Variants in CLASP1 observed in about 807,000 individuals in gnomAD.
CLASP1 encodes cytoplasmic linker associated protein 1, also known as CLIP-associating protein 1.
CLASP1 carries 38 observed loss-of-function variants against 192.3 expected under a neutral mutation model. The ratio of observed to expected loss-of-function variants is 0.20; its 90% CI spans 0.15 to 0.26. The LOEUF (loss-of-function observed/expected upper bound fraction) is 0.26. Ranked by LOEUF, CLASP1 falls within the 10% of genes least tolerant of loss-of-function variation. The pLI, the probability that CLASP1 is intolerant of heterozygous loss-of-function variation, is 1.00. For missense variants in CLASP1, 1,433 were observed against 1,932.5 expected, an observed-to-expected ratio of 0.74 and a Z score of 4.85; for synonymous variants, 691 against 712.8, an observed-to-expected ratio of 0.97 and a Z score of 0.49.
At position 121,617,608 on chromosome 2, in the gene CLASP1, T is replaced by C. The variant is rs2066676248; in HGVS notation, c.-285-11428A>G. Among the ~76,000 whole-genome samples, 6 of 152,330 alleles carry C rather than the reference T, an allele frequency of 3.9e-5. No homozygotes were observed. In the South Asian group the frequency reaches 1.2e-3, roughly 32 times the overall value. On this transcript the variant is annotated intron_variant, in intron 1 of 39. Transcript: ENST00000263710. ...GAAGACTTTTCTGTACTTAACAAAC[T>C]ACACCACTCAGCAGCAATCCAAAGT...
intron 1 of CLASP1, among the ~76,000 whole-genome samples, chr2:121,606,428 T>C (rs1163112678): frequency 6.6e-6 from 1 of 152,192 alleles, no homozygotes; most frequent in Non-Finnish European, 1.5e-5. Flanking sequence ...TTTTCCAGAA[T>C]TTCCCAGCTT....
At chr2:121,445,619 T>C in intron 19 of CLASP1, 1 of 453,032 alleles carries the variant, frequency 2.2e-6, no homozygotes, top group Admixed American at 3.1e-5. Flanking sequence ...AATTTTTTGG[T>C]GTTTTTGTTT....
intron 7 of CLASP1, among the ~76,000 whole-genome samples, chr2:121,506,248 G>T (rs917134389): frequency 1.3e-5 from 2 of 152,190 alleles, no homozygotes; most frequent in African/African-American, 4.8e-5. Flanking sequence ...AAGAGCTGAA[G>T]TTCCCAAGTC....
rs755806628 is a variant in CLASP1 at position 121,488,346 on chromosome 2, C to T, written c.712+14821G>A. On this transcript the variant is annotated intron_variant, in intron 8 of 39. Coordinates refer to ENST00000263710, the Ensembl canonical transcript of CLASP1. Reference sequence around the variant, plus strand: ...TATCAATAGGATGAGATTGATGTGCCAGGCCCAAGGCCCCCTCACTGGCTC... The same window carrying T: ...TATCAATAGGATGAGATTGATGTGCTAGGCCCAAGGCCCCCTCACTGGCTC... 4.0e-4 allele frequency among the ~76,000 whole-genome samples: 61 copies of T among 152,186 alleles called. 1 individual carries two copies. The highest frequency in any genetic ancestry group is 7.5e-4 in the Non-Finnish European group (51 of 68,030).
intron 37 of CLASP1, among the ~76,000 whole-genome samples, chr2:121,360,687 G>C (rs2066222808): frequency 6.6e-6 from 1 of 151,912 alleles, no homozygotes; most frequent in African/African-American, 2.4e-5. Flanking sequence ...GTGGCTCCTG[G>C]CAAAGTGACA....
chr2:121,360,680 G>C (rs1010071934), intron 37 of CLASP1, among the ~76,000 whole-genome samples: 2 of 151,902 alleles, frequency 1.3e-5, no homozygotes, highest in Non-Finnish European at 2.9e-5. Context: ...TATTATAGTG[G>C]CTCCTGGCAA....
intron 23 of CLASP1, among the ~76,000 whole-genome samples, chr2:121,412,589 C>A (rs2077900738): frequency 6.6e-6 from 1 of 150,820 alleles, no homozygotes; most frequent in African/African-American, 2.4e-5. Context: ...AAAACGAAGT[C>A]TAATAAAATT....
chr2:121,469,061 C>T (rs987892107), intron 9 of CLASP1, among the ~76,000 whole-genome samples: 1 of 150,370 alleles, frequency 6.7e-6, no homozygotes, highest in Non-Finnish European at 1.5e-5. Flanking sequence ...GTTTGTTTTT[C>T]GTTTAACAGT....
At chr2:121,536,796 G>T (rs2095095325) in intron 2 of CLASP1, among the ~76,000 whole-genome samples, 1 of 152,208 alleles carries the variant, frequency 6.6e-6, no homozygotes, top group Non-Finnish European at 1.5e-5. Context: ...AGGGAGAAAT[G>T]AGAGTTATTA....
At chr2:121,366,876 A>G (rs1019982736) in intron 35 of CLASP1, among the ~76,000 whole-genome samples, 2 of 152,234 alleles carry the variant, frequency 1.3e-5, no homozygotes, top group Non-Finnish European at 2.9e-5. Flanking sequence ...ATCACTCACT[A>G]GTTTATTCAG....
At chr2:121,548,785 AT>A (rs1212617786) in intron 2 of CLASP1, among the ~76,000 whole-genome samples, 11 of 152,162 alleles carry the variant, frequency 7.2e-5, no homozygotes, top group Non-Finnish European at 7.4e-5. Context: ...AAAAAAAAAA[AT>A]CTTCAACCAA....
chr2:121,623,407 T>C (rs1576548246), intron 1 of CLASP1, among the ~76,000 whole-genome samples: 2 of 152,236 alleles, frequency 1.3e-5, no homozygotes, highest in Admixed American at 1.3e-4. Context: ...ACAGAATTCT[T>C]CCGATATGTT....
At chr2:121,631,665 C>G (rs2069683517) in intron 1 of CLASP1, among the ~76,000 whole-genome samples, 2 of 151,952 alleles carry the variant, frequency 1.3e-5, no homozygotes, top group African/African-American at 4.8e-5. Flanking sequence ...AATCCCAGCA[C>G]TTTGGGAGGC....
intron 2 of CLASP1, among the ~76,000 whole-genome samples, chr2:121,594,442 G>C (rs1316747844): frequency 6.6e-6 from 1 of 151,212 alleles, no homozygotes; most frequent in Non-Finnish European, 1.5e-5. Context: ...GCCCAGGCTG[G>C]AGTGCAGTGG....
intron 2 of CLASP1, among the ~76,000 whole-genome samples, chr2:121,540,276 C>T (rs540651824): frequency 6.6e-6 from 1 of 152,296 alleles, no homozygotes; most frequent in South Asian, 2.1e-4. Flanking sequence ...CACAGTTACA[C>T]TCAGCAATAC....
exon 17 of CLASP1, chr2:121,449,061 A>C: frequency 6.2e-7 from 1 of 1,613,856 alleles, no homozygotes; most frequent in East Asian, 2.2e-5. Context: ...GGAGGACTCC[A>C]AGGTGTGGTA....
chr2:121,567,238 G>A (rs895397961), intron 2 of CLASP1, among the ~76,000 whole-genome samples: 4 of 152,170 alleles, frequency 2.6e-5, no homozygotes, highest in Non-Finnish European at 5.9e-5. Flanking sequence ...GTCGAGCACC[G>A]CTGTGGGCCA....
intron 2 of CLASP1, among the ~76,000 whole-genome samples, chr2:121,532,148 A>C (rs1438405746): frequency 6.6e-6 from 1 of 152,260 alleles, no homozygotes; most frequent in Non-Finnish European, 1.5e-5. Context: ...CTACTGCTTC[A>C]AAACTGAAGG....
At chr2:121,487,431 T>C (rs559362821) in intron 8 of CLASP1, among the ~76,000 whole-genome samples, 7 of 152,338 alleles carry the variant, frequency 4.6e-5, no homozygotes, top group African/African-American at 1.7e-4. Context: ...TTAACTATTG[T>C]CCCCAGCGTA....
Sources: gnomAD v4.1 joint callset for allele counts (sites outside exome capture counted in the v4.1 genomes callset) on GRCh38, gnomAD v4.1.1 for gene constraint, MANE v1.5 for transcripts, NCBI Gene and HGNC (gene_info 2026-07-23, HGNC 2026-07-21) for gene names.